The following TMOD1 variants were observed in gnomAD, a reference collection of about 807,000 sequenced individuals.
The protein encoded by TMOD1 is tropomodulin-1.
Under a neutral mutation model 40.6 loss-of-function variants are expected in TMOD1, and 17 were observed. The observed-to-expected ratio is 0.42, with a 90% confidence interval of 0.29 to 0.63. The LOEUF (loss-of-function observed/expected upper bound fraction) is 0.63. TMOD1 is among the 20% of genes least tolerant of loss of function. The pLI is 0.22. For missense variants in TMOD1, 391 were observed against 447.6 expected, an observed-to-expected ratio of 0.87 and a Z score of 1.14; for synonymous variants, 181 against 175.0, an observed-to-expected ratio of 1.03 and a Z score of -0.27.
At chr9:97,507,791 G>A (rs1036358428) in intron 1 of TMOD1, among the ~76,000 whole-genome samples, 2 of 152,136 alleles carry the variant, frequency 1.3e-5, no homozygotes, top group Admixed American at 1.3e-4. Flanking sequence ...AAGATGAATG[G>A]GAGGACTCTT....
intron 1 of TMOD1, among the ~76,000 whole-genome samples, chr9:97,522,331 C>T (rs1378456189): frequency 1.3e-5 from 2 of 152,152 alleles, no homozygotes; most frequent in Non-Finnish European, 2.9e-5. Flanking sequence ...ACATGATATT[C>T]TCTTAGTGTG....
rs543539413 is a variant in TMOD1 at position 97,571,863 on chromosome 9, C to A, written c.870+2826C>A. Among the ~76,000 whole-genome samples the A allele has an allele frequency of 6.6e-5, 10 of 152,366 alleles. 1 individual carries two copies. In the East Asian group the frequency reaches 1.7e-3, roughly 26 times the overall value. On this transcript the variant is annotated intron_variant, in intron 8 of 9. Coordinates refer to ENST00000259365, the MANE Select transcript of TMOD1 (RefSeq NM_003275.4). ...AGCACTGGTCAGCACCACCCGCCAT[C>A]CAGTGAGCCTCTTCTTTGGTTCATC... is the stretch of plus-strand genomic sequence containing the variant.
At chr9:97,562,892 T>G (rs1288033478) in intron 5 of TMOD1, 71 bp downstream of exon 5, 2 of 1,285,714 alleles carry the variant, frequency 1.6e-6, no homozygotes, top group Non-Finnish European at 2.2e-6. Flanking sequence ...GTTCTCTGGC[T>G]CATTGCAGAA....
rs910499552 is a variant in TMOD1, at chr9:97,600,127, A to G, written c.*429A>G. ...ACTTTATTACAAATTTGTCTTAGCT[A>G]TTAGCAAATAAAACTGATTATCATT... On this transcript the variant is annotated 3_prime_UTR_variant, in exon 10 of 10. Coordinates refer to ENST00000259365, the MANE Select transcript of TMOD1 (RefSeq NM_003275.4). 3 of 1,004,122 alleles carry G rather than the reference A, an allele frequency of 3.0e-6. No homozygotes were observed. Among genetic ancestry groups the G allele is most frequent in the African/African-American group, 1.7e-5 (1 of 57,956 alleles). The allele number at this position is 1,004,122 out of a possible 1,614,324, so 62.2% of individuals were successfully genotyped here. A position where few individuals can be genotyped will look rare whatever the true frequency, so the allele number is the denominator to read the frequency against.
At chr9:97,548,148 A>G (rs1345516832) in intron 3 of TMOD1, among the ~76,000 whole-genome samples, 1 of 152,184 alleles carries the variant, frequency 6.6e-6, no homozygotes, top group Non-Finnish European at 1.5e-5. Flanking sequence ...GTTTCTTTTC[A>G]GTCTCTTCCA....
chr9:97,564,288 G>A, intron 6 of TMOD1, 120 bp downstream of exon 6: 2 of 1,340,000 alleles, frequency 1.5e-6, no homozygotes, highest in Non-Finnish European at 2.0e-6. Flanking sequence ...TTGGATTCTG[G>A]GTGTTTCTGC....
In TMOD1 at chr9:97,599,778, A is replaced by G. The variant is rs1470062821; in HGVS notation, c.*80A>G. ...TGCTCTGCAGGGGAAACCAGAAGGC[A>G]AAATGCTGGCAGCATGAAACCCTTT... On this transcript the variant is annotated 3_prime_UTR_variant, in exon 10 of 10. Transcript: ENST00000259365. 3.7e-6 allele frequency: 6 copies of G among 1,606,742 alleles called. No homozygotes were observed. In the Admixed American group the frequency reaches 8.4e-5, roughly 22 times the overall value.
chr9:97,590,449 C>A (rs1825978162), intron 8 of TMOD1, among the ~76,000 whole-genome samples: 1 of 152,042 alleles, frequency 6.6e-6, no homozygotes, highest in Non-Finnish European at 1.5e-5. Flanking sequence ...TGGTCTCGAA[C>A]TCCTTAGCTC....
chr9:97,507,419 A>G (rs140238182), intron 1 of TMOD1, among the ~76,000 whole-genome samples: 134 of 152,378 alleles, frequency 8.8e-4, no homozygotes, highest in Middle Eastern at 3.4e-3. Flanking sequence ...CAGCATTAAA[A>G]AGGCTTGAGA....
intron 9 of TMOD1, among the ~76,000 whole-genome samples, chr9:97,595,836 G>A (rs1290865492): frequency 1.3e-5 from 2 of 152,064 alleles, no homozygotes; most frequent in East Asian, 3.9e-4. Context: ...ACTTTGGGAG[G>A]CCGAGGCAGG....
intron 1 of TMOD1, among the ~76,000 whole-genome samples, chr9:97,506,513 C>T (rs1829594140): frequency 6.6e-6 from 1 of 152,212 alleles, no homozygotes; most frequent in Non-Finnish European, 1.5e-5. Flanking sequence ...TGTTCTCCTA[C>T]CCGACCAAAT....
Position 97,543,123 on chromosome 9 carries a change from TCCC to T in TMOD1, c.121-3060_121-3058del, listed in dbSNP as rs1396679614. Among the ~76,000 whole-genome samples, 13 of 152,276 alleles carry T rather than the reference TCCC, an allele frequency of 8.5e-5. No homozygotes were observed. The South Asian group carries it at 2.3e-3, about 27-fold the overall frequency. The stretch of plus-strand genomic sequence containing the variant: ...AGAGATGAGAGTTTGCAAACCCTTC[TCCC>T]CTCAGTTACAACCCCTGAATTTCTT... On this transcript the variant is annotated intron_variant, in intron 2 of 9. Transcript: ENST00000259365.
chr9:97,585,923 T>A (rs1245844415), intron 8 of TMOD1, among the ~76,000 whole-genome samples: 1 of 141,954 alleles, frequency 7.0e-6, no homozygotes, highest in Non-Finnish European at 1.5e-5. Flanking sequence ...TTTTTCAAAA[T>A]TTTCAACTTC....
At chr9:97,534,725 C>G (rs143218409) in intron 2 of TMOD1, among the ~76,000 whole-genome samples, 25 of 152,358 alleles carry the variant, frequency 1.6e-4, no homozygotes, top group Non-Finnish European at 3.1e-4. Context: ...CCTTGAAGGG[C>G]ACCCAGTATC....
chr9:97,535,126 G>T (rs537403459), intron 2 of TMOD1, among the ~76,000 whole-genome samples: 19 of 152,330 alleles, frequency 1.2e-4, no homozygotes, highest in Admixed American at 2.6e-4. Context: ...AATTGGTCAA[G>T]AATTCGTAGG....
At chr9:97,591,254 A>ATTTTATT (rs755470773) in intron 8 of TMOD1, 37 bp from the exon 9 acceptor site, 2 of 1,556,114 alleles carry the variant, frequency 1.3e-6, no homozygotes, top group Non-Finnish European at 1.7e-6. Context: ...ATGAGTGGTG[A>ATTTTATT]TTTTATTTTT....
chr9:97,589,525 C>T (rs1053785102), intron 8 of TMOD1, among the ~76,000 whole-genome samples: 4 of 151,954 alleles, frequency 2.6e-5, no homozygotes, highest in South Asian at 2.1e-4. Context: ...GTGATCCACC[C>T]GCCTCGGCCT....
intron 2 of TMOD1, among the ~76,000 whole-genome samples, chr9:97,533,680 A>C (rs1057334809): frequency 1.3e-5 from 2 of 152,224 alleles, no homozygotes; most frequent in Non-Finnish European, 2.9e-5. Context: ...CTGAGGTTTC[A>C]AGATAAAAGG....
intron 2 of TMOD1, among the ~76,000 whole-genome samples, chr9:97,535,253 G>A (rs1311177333): frequency 6.6e-6 from 1 of 152,172 alleles, no homozygotes; most frequent in Non-Finnish European, 1.5e-5. Context: ...CCAGCCAGGA[G>A]GCTTCTCTGC....
Sources: allele counts gnomAD v4.1 joint callset (sites outside exome capture counted in the v4.1 genomes callset), GRCh38; gene constraint gnomAD v4.1.1; transcripts MANE v1.5; gene names NCBI Gene and HGNC (gene_info 2026-07-23, HGNC 2026-07-21).